PRIMPOL: variants seen among roughly 807,000 people sequenced by gnomAD.
The protein encoded by PRIMPOL is DNA-directed primase/polymerase protein.
A neutral mutation model predicts 63.6 loss-of-function variants in PRIMPOL; 54 were observed. That is an observed-to-expected ratio of 0.85 (90% CI 0.68 to 1.07). The LOEUF (loss-of-function observed/expected upper bound fraction) is 1.07. Ranked by LOEUF, PRIMPOL falls within the 50% of genes least tolerant of loss-of-function variation. PRIMPOL has a pLI of 0.00. For synonymous variants in PRIMPOL, 197 were observed against 220.2 expected, an observed-to-expected ratio of 0.89 and a Z score of 0.93; for missense variants, 610 against 648.3, an observed-to-expected ratio of 0.94 and a Z score of 0.64.
rs56159743 is a variant in PRIMPOL, at chr4:184,679,823, A to T, written c.1007+1429A>T. Among the ~76,000 whole-genome samples, 1,095 of 152,274 alleles carry T rather than the reference A, an allele frequency of 7.2e-3. 13 individuals carry two copies. Among genetic ancestry groups the T allele is most frequent in the African/African-American group, 0.025 (1,038 of 41,546 alleles). On this transcript the variant is annotated intron_variant, in intron 8 of 13. Transcript: ENST00000314970. ...GAGGGATCTAGGTTGCACACTCCTTATGAGAATCTAATGCCTGATGATCTG... is the reference window on the plus strand; with the variant it reads ...GAGGGATCTAGGTTGCACACTCCTTTTGAGAATCTAATGCCTGATGATCTG...
intron 9 of PRIMPOL, among the ~76,000 whole-genome samples, chr4:184,682,955 C>T (rs1389219249): frequency 6.6e-6 from 1 of 152,092 alleles, no homozygotes; most frequent in African/African-American, 2.4e-5. Flanking sequence ...GAGGCTAAGG[C>T]AGGAGGATCT....
intron 6 of PRIMPOL, among the ~76,000 whole-genome samples, chr4:184,666,309 A>G (rs1749862517): frequency 6.6e-6 from 1 of 152,132 alleles, no homozygotes; most frequent in Non-Finnish European, 1.5e-5. Context: ...CCCTGTCTCT[A>G]CTAATTAGCC....
rs74534912 is a variant in PRIMPOL, at chr4:184,685,756, C to T, written c.1295+72C>T. ...TAAATATTTATAACTTTTAAAGTTGCGAATATGAAAACTATTTTGTTTTAA... is the reference window on the plus strand; with the variant it reads ...TAAATATTTATAACTTTTAAAGTTGTGAATATGAAAACTATTTTGTTTTAA... On this transcript the variant is annotated intron_variant, in intron 11 of 13. Coordinates refer to ENST00000314970, the MANE Select transcript of PRIMPOL (RefSeq NM_152683.4). 1,489 of 642,772 alleles carry T rather than the reference C, an allele frequency of 2.3e-3. 18 individuals are homozygous for T. The African/African-American group carries it at 0.025, about 11-fold the overall frequency. 39.8% of individuals were successfully genotyped at this position (642,772 alleles called of 1,614,324 possible). A position where few individuals can be genotyped will look rare whatever the true frequency, so the allele number is the denominator to read the frequency against.
intron 4 of PRIMPOL, 69 bp from the exon 5 acceptor site, chr4:184,661,705 A>T: frequency 9.2e-7 from 1 of 1,088,572 alleles, no homozygotes; most frequent in Non-Finnish European, 1.3e-6. Flanking sequence ...ACTCAGTCTC[A>T]GTCAGTCAAT....
intron 7 of PRIMPOL, among the ~76,000 whole-genome samples, chr4:184,673,296 A>G (rs911131953): frequency 2.7e-5 from 4 of 150,204 alleles, no homozygotes; most frequent in African/African-American, 9.8e-5. Flanking sequence ...CTCCCGGCTA[A>G]TTTTTTGTAT....
Position 184,655,411 on chromosome 4 carries a change from C to G in PRIMPOL, c.-59-1671C>G, listed in dbSNP as rs538974285. Among the ~76,000 whole-genome samples the G allele has an allele frequency of 9.1e-4, 136 of 149,652 alleles. No homozygotes were observed. In the Middle Eastern group the frequency reaches 0.021, roughly 23 times the overall value. ...CGATCTCGGCTCACTGGCACCTCCA[C>G]TCCTGGTTCAAACTATTCTCTTGCC... On this transcript the variant is annotated intron_variant, in intron 2 of 13. Transcript: ENST00000314970.
intron 7 of PRIMPOL, among the ~76,000 whole-genome samples, chr4:184,675,824 A>G (rs1753158257): frequency 6.6e-6 from 1 of 152,138 alleles, no homozygotes; most frequent in African/African-American, 2.4e-5. Context: ...ATCAAAAACA[A>G]ACAAACAAAC....
chr4:184,681,707 T>G (rs1183124821), intron 8 of PRIMPOL, among the ~76,000 whole-genome samples: 1 of 152,154 alleles, frequency 6.6e-6, no homozygotes, highest in African/African-American at 2.4e-5. Flanking sequence ...CCCATGTAGC[T>G]GGAATTACAG....
At chr4:184,687,030 T>C (rs1757145487) in intron 11 of PRIMPOL, among the ~76,000 whole-genome samples, 1 of 152,218 alleles carries the variant, frequency 6.6e-6, no homozygotes, top group Non-Finnish European at 1.5e-5. Context: ...TTCTGTTTTT[T>C]AACCGTGGAA....
intron 6 of PRIMPOL, among the ~76,000 whole-genome samples, chr4:184,666,587 A>G (rs922489783): frequency 2.0e-5 from 3 of 152,218 alleles, no homozygotes; most frequent in Non-Finnish European, 4.4e-5. Context: ...CTCTAATCCT[A>G]GATACTGGGA....
chr4:184,651,095 C>G (rs1744249690), intron 1 of PRIMPOL, among the ~76,000 whole-genome samples: 2 of 152,110 alleles, frequency 1.3e-5, no homozygotes, highest in South Asian at 4.2e-4. Context: ...CGAGACCAGC[C>G]TGGTCAAGAT....
At chr4:184,690,703 C>T (rs893432928) in intron 11 of PRIMPOL, among the ~76,000 whole-genome samples, 4 of 152,122 alleles carry the variant, frequency 2.6e-5, no homozygotes, top group South Asian at 2.1e-4. Flanking sequence ...TTGTTTTCCA[C>T]GTTAGTCACT....
At chr4:184,680,276 C>T (rs1252629979) in intron 8 of PRIMPOL, among the ~76,000 whole-genome samples, 2 of 152,160 alleles carry the variant, frequency 1.3e-5, no homozygotes, top group Non-Finnish European at 2.9e-5. Context: ...CAACCTCTGC[C>T]TCACAGGTTC....
At chr4:184,656,271 CAT>C (rs1429062056) in intron 2 of PRIMPOL, among the ~76,000 whole-genome samples, 1 of 152,028 alleles carries the variant, frequency 6.6e-6, no homozygotes, top group Non-Finnish European at 1.5e-5. Context: ...CAAAACAAGT[CAT>C]ATGGCCAAGC....
intron 5 of PRIMPOL, among the ~76,000 whole-genome samples, chr4:184,664,610 G>A (rs1336122895): frequency 6.6e-6 from 1 of 152,172 alleles, no homozygotes; most frequent in African/African-American, 2.4e-5. Flanking sequence ...TACGCCCTTT[G>A]CCTGTTAGAG....
chr4:184,694,492 ACT>A, intron 13 of PRIMPOL, 28 bp from the exon 14 acceptor site: 5 of 1,597,086 alleles, frequency 3.1e-6, no homozygotes, highest in East Asian at 2.2e-5. Flanking sequence ...TTCCTATCCC[ACT>A]CTCTATCCCT....
intron 6 of PRIMPOL, among the ~76,000 whole-genome samples, chr4:184,670,992 A>G (rs950908496): frequency 2.0e-5 from 3 of 151,772 alleles, no homozygotes; most frequent in Non-Finnish European, 4.4e-5. Context: ...TTAAAATTAA[A>G]TTTTTCTTAC....
chr4:184,690,608 C>T (rs1758264539), intron 11 of PRIMPOL, among the ~76,000 whole-genome samples: 1 of 152,072 alleles, frequency 6.6e-6, no homozygotes, highest in South Asian at 2.1e-4. Flanking sequence ...TACAGGTGCC[C>T]CCCACCACGC....
At chr4:184,683,892 C>G (rs985358505) in intron 9 of PRIMPOL, among the ~76,000 whole-genome samples, 7 of 151,978 alleles carry the variant, frequency 4.6e-5, no homozygotes, top group Non-Finnish European at 1.0e-4. Context: ...ATTTGTGAAG[C>G]CTGTATAATG....
Sources: allele counts gnomAD v4.1 joint callset (sites outside exome capture counted in the v4.1 genomes callset), GRCh38; gene constraint gnomAD v4.1.1; transcripts MANE v1.5; gene names NCBI Gene and HGNC (gene_info 2026-07-23, HGNC 2026-07-21).